PRKG1: variants seen among roughly 807,000 people sequenced by gnomAD.
PRKG1 encodes cGMP-dependent protein kinase 1.
In PRKG1, 35 loss-of-function variants were observed where a neutral mutation model predicts 88.1. That is an observed-to-expected ratio of 0.40 (90% confidence interval 0.30 to 0.53). PRKG1 has a LOEUF of 0.53. PRKG1 is among the 20% of genes least tolerant of loss of function. The pLI is 0.59. For missense variants in PRKG1, 540 were observed against 839.8 expected (o/e 0.64, Z 4.41); for synonymous variants, 303 against 292.5 (o/e 1.04, Z -0.37).
At chr10:51,169,898 G>C (rs1846654875) in intron 2 of PRKG1, among the ~76,000 whole-genome samples, 1 of 151,964 alleles carries the variant, frequency 6.6e-6, no homozygotes, top group African/African-American at 2.4e-5. Context: ...ACTAGATTCT[G>C]CACTCACCAC....
At chr10:51,104,333 T>A (rs1844765466) in intron 1 of PRKG1, among the ~76,000 whole-genome samples, 1 of 152,180 alleles carries the variant, frequency 6.6e-6, no homozygotes, top group African/African-American at 2.4e-5. Context: ...TGACTCTTTG[T>A]ACAATCTTCA....
chr10:51,060,847 T>C (rs1843683824), intron 1 of PRKG1, among the ~76,000 whole-genome samples: 1 of 152,198 alleles, frequency 6.6e-6, no homozygotes, highest in Non-Finnish European at 1.5e-5. Flanking sequence ...TACCTTTATT[T>C]TCAAAGGATA....
chr10:51,729,981 C>T (rs965551817), intron 3 of PRKG1, among the ~76,000 whole-genome samples: 2 of 152,098 alleles, frequency 1.3e-5, no homozygotes, highest in African/African-American at 4.8e-5. Context: ...CACGGTGGTA[C>T]GTTCGTTACA....
At chr10:52,270,203 A>C (rs1841683384) in intron 10 of PRKG1, among the ~76,000 whole-genome samples, 1 of 152,078 alleles carries the variant, frequency 6.6e-6, no homozygotes, top group Non-Finnish European at 1.5e-5. Flanking sequence ...TCAAGCTAAA[A>C]ATTAGAAATG....
rs1377665415 is a variant in PRKG1 at position 50,991,128 on chromosome 10, T to C, written c.-251T>C. ...CCAGAGAGGCTGGAGATTAGCACTC[T>C]GCCTCTCCTCTCCATCGCTTTTAGA... On this transcript the variant is annotated 5_prime_UTR_variant, in exon 1 of 18. Transcript: ENST00000401604. This position sits in a 1 kb window ranked among gnomAD's most constrained non-coding sequence, Gnocchi z 4.5. 1 of 468,996 alleles carries C rather than the reference T, an allele frequency of 2.1e-6. No individual in the cohort carries two copies. The highest frequency in any genetic ancestry group is 4.7e-5 in the East Asian group (1 of 21,310). 29.1% of individuals were successfully genotyped at this position (468,996 alleles called of 1,614,324 possible).
At position 51,676,969 on chromosome 10, in the gene PRKG1, C is replaced by T. The variant is rs1291842431; in HGVS notation, c.593-127616C>T. Among the ~76,000 whole-genome samples, 6 of 152,134 alleles carry T rather than the reference C, an allele frequency of 3.9e-5. No individual in the cohort carries two copies. The East Asian group carries it at 9.6e-4, about 24-fold the overall frequency. On this transcript the variant is annotated intron_variant, in intron 3 of 17. Transcript: ENST00000373980. Reference sequence around the variant, plus strand: ...AAGTGTACAGCTCAATTAAATATCACCAAATGAACATACCAGTGTAAGTCC... The same window carrying T: ...AAGTGTACAGCTCAATTAAATATCATCAAATGAACATACCAGTGTAAGTCC...
At chr10:52,251,814 G>C (rs1456974810) in intron 10 of PRKG1, 148 bp downstream of exon 10, 2 of 660,646 alleles carry the variant, frequency 3.0e-6, no homozygotes, top group Non-Finnish European at 5.0e-6. Context: ...CTTTGCGGCA[G>C]ACATGTCATA....
Position 51,926,625 on chromosome 10 carries a change from C to T in PRKG1, c.762+19055C>T, listed in dbSNP as rs192201933. Reference sequence around the variant, plus strand: ...CCTGGGTGCTACTGCATTTTTCCAGCGGCTAGAATTGTCACAGCATTTGAA... The same window carrying T: ...CCTGGGTGCTACTGCATTTTTCCAGTGGCTAGAATTGTCACAGCATTTGAA... On this transcript the variant is annotated intron_variant, in intron 5 of 17. Coordinates refer to ENST00000373980, the MANE Select transcript of PRKG1 (RefSeq NM_006258.4). Among the ~76,000 whole-genome samples the T allele has an allele frequency of 3.0e-3, 451 of 152,010 alleles. 3 individuals are homozygous for T. The highest frequency in any genetic ancestry group is 3.0e-3 in the Non-Finnish European group (201 of 67,996).
intron 1 of PRKG1, among the ~76,000 whole-genome samples, chr10:51,082,987 AG>A (rs1269237614): frequency 1.1e-4 from 16 of 152,220 alleles, no homozygotes. Context: ...ATATTCAGCC[AG>A]GGTTGAGAAA....
intron 7 of PRKG1, among the ~76,000 whole-genome samples, chr10:52,074,284 C>T (rs555451335): frequency 7.9e-5 from 12 of 152,170 alleles, no homozygotes; most frequent in Non-Finnish European, 1.5e-4. Flanking sequence ...GCTAAGGGCC[C>T]GCTTACATGA....
chr10:51,556,790 C>T (rs1441775419), intron 3 of PRKG1, among the ~76,000 whole-genome samples: 1 of 151,928 alleles, frequency 6.6e-6, no homozygotes, highest in Non-Finnish European at 1.5e-5. Flanking sequence ...ACTACCTGGG[C>T]AACAGGATCA....
intron 2 of PRKG1, among the ~76,000 whole-genome samples, chr10:51,226,005 A>G (rs974469296): frequency 2.6e-5 from 4 of 152,146 alleles, no homozygotes; most frequent in African/African-American, 9.7e-5. Flanking sequence ...GGAGTTTGAG[A>G]TCAGCCTGGG....
In PRKG1 at chr10:51,681,075, T is replaced by C. The variant is rs181893230; in HGVS notation, c.593-123510T>C. 1.7e-3 allele frequency among the ~76,000 whole-genome samples: 264 copies of C among 152,332 alleles called. 1 individual carries two copies. Among genetic ancestry groups the C allele is most frequent in the African/African-American group, 6.2e-3 (258 of 41,586 alleles). Reference sequence around the variant, plus strand: ...GTGATGACATTAGTTAGTTGATCCATTTATGGTTTTGAACCATTACCCAAA... The same window carrying C: ...GTGATGACATTAGTTAGTTGATCCACTTATGGTTTTGAACCATTACCCAAA... On this transcript the variant is annotated intron_variant, in intron 3 of 17. Coordinates refer to ENST00000373980, the MANE Select transcript of PRKG1 (RefSeq NM_006258.4).
intron 1 of PRKG1, among the ~76,000 whole-genome samples, chr10:51,050,538 T>C (rs934923868): frequency 6.6e-6 from 1 of 152,190 alleles, no homozygotes; most frequent in African/African-American, 2.4e-5. Context: ...GTATACACCA[T>C]ATTTTCTTTA....
At chr10:51,835,861 A>G (rs1312017493) in intron 4 of PRKG1, among the ~76,000 whole-genome samples, 1 of 152,192 alleles carries the variant, frequency 6.6e-6, no homozygotes. Flanking sequence ...CCAACAGTAT[A>G]CAAGGGTTTT....
intron 3 of PRKG1, among the ~76,000 whole-genome samples, chr10:51,586,626 G>A (rs1455758492): frequency 6.6e-6 from 1 of 152,130 alleles, no homozygotes; most frequent in Admixed American, 6.6e-5. Flanking sequence ...TCCATGCTTA[G>A]GTTAGAGTTG....
intron 4 of PRKG1, among the ~76,000 whole-genome samples, chr10:51,860,581 T>G (rs1027638678): frequency 1.3e-5 from 2 of 152,186 alleles, no homozygotes; most frequent in Non-Finnish European, 2.9e-5. Context: ...GGTGAGCATC[T>G]CTAATGGTTA....
intron 5 of PRKG1, among the ~76,000 whole-genome samples, chr10:51,913,167 G>C (rs926779367): frequency 6.6e-6 from 1 of 152,166 alleles, no homozygotes; most frequent in South Asian, 2.1e-4. Context: ...GACCTCAGGT[G>C]ATCCGCCCGC....
chr10:51,833,081 A>G (rs1840043369), intron 4 of PRKG1, among the ~76,000 whole-genome samples: 1 of 152,158 alleles, frequency 6.6e-6, no homozygotes, highest in Non-Finnish European at 1.5e-5. Flanking sequence ...TTGTCTCCTT[A>G]AAGAAAAGGC....
Sources: gnomAD v4.1 joint callset for allele counts (sites outside exome capture counted in the v4.1 genomes callset) on GRCh38, gnomAD v4.1.1 for gene constraint, Gnocchi (gnomAD v3.1) non-coding constraint, MANE v1.5 for transcripts, NCBI Gene and HGNC (gene_info 2026-07-23, HGNC 2026-07-21) for gene names.